The following KTN1 variants were observed in gnomAD, a reference collection of about 807,000 sequenced individuals.
KTN1 encodes the protein kinectin 1.
Under a neutral mutation model 222.5 loss-of-function variants are expected in KTN1, and 130 were observed. The ratio of observed to expected loss-of-function variants is 0.58; its 90% confidence interval spans 0.51 to 0.68. The LOEUF is 0.68. Among genes scored for constraint, KTN1 ranks in the 30% least tolerant of loss-of-function variants. The pLI is 0.00. For synonymous variants in KTN1, 512 were observed against 496.3 expected (o/e 1.03, Z -0.42); for missense variants, 1,508 against 1,500.4 (o/e 1.01, Z -0.08).
At chr14:55,584,549 G>A (rs994605234) in intron 1 of KTN1, among the ~76,000 whole-genome samples, 8 of 152,140 alleles carry the variant, frequency 5.3e-5, no homozygotes, top group African/African-American at 1.7e-4. Flanking sequence ...TCCAGTCTTT[G>A]CTTTTTAAAT....
chr14:55,627,737 C>T (rs995026382), intron 5 of KTN1, among the ~76,000 whole-genome samples, 175 bp from the exon 6 acceptor site: 2 of 152,010 alleles, frequency 1.3e-5, no homozygotes, highest in Non-Finnish European at 2.9e-5. Context: ...TTCTGGTGTT[C>T]GTTTGCTGAG....
chr14:55,635,115 G>A (rs964895391), intron 9 of KTN1, among the ~76,000 whole-genome samples: 5 of 152,102 alleles, frequency 3.3e-5, no homozygotes, highest in African/African-American at 1.2e-4. Flanking sequence ...GTGTATATAG[G>A]TTTGAAAAAT....
Position 55,663,958 on chromosome 14 carries a change from C to T in KTN1, c.3094C>T (p.Leu1032Phe), listed in dbSNP as rs368815405. 6.2e-7 allele frequency: 1 copy of T among 1,608,500 alleles called. No homozygotes were observed. The highest frequency in any genetic ancestry group is 1.3e-5 in the African/African-American group (1 of 74,774). The part of the protein sequence containing the change: ...VEHQRKKNND[L>F]REKNWEAMEA... ...CATTCTTTCTAAAAATGATTAGGACCTTCGGGAGAAAAACTGGGAAGCAAT... is the reference window on the plus strand; with the variant it reads ...CATTCTTTCTAAAAATGATTAGGACTTTCGGGAGAAAAACTGGGAAGCAAT... The change falls in exon 33 of 44, where the codon CTT becomes TTT. Residue 1032 changes from leucine (L) to phenylalanine (F), a missense_variant. By Grantham distance (22) the Leu-to-Phe change is conservative. Transcript: ENST00000395314.
At chr14:55,612,654 G>A (rs902865262) in intron 2 of KTN1, 83 bp downstream of exon 2, 3 of 1,105,632 alleles carry the variant, frequency 2.7e-6, no homozygotes, top group African/African-American at 1.6e-5. Context: ...TACATACACA[G>A]AATGTTTAAT....
At chr14:55,590,430 A>G (rs190539793) in intron 1 of KTN1, among the ~76,000 whole-genome samples, 4 of 152,328 alleles carry the variant, frequency 2.6e-5, no homozygotes, top group African/African-American at 9.6e-5. Flanking sequence ...AGTACGTGTA[A>G]GATATAAAGA....
intron 4 of KTN1, 102 bp downstream of exon 4, chr14:55,618,236 A>G (rs1170422304): frequency 2.4e-6 from 2 of 841,436 alleles, no homozygotes; most frequent in African/African-American, 3.5e-5. Flanking sequence ...ATGCATTTCA[A>G]AAGAATCAAA....
chr14:55,598,340 C>T (rs1430005269), intron 1 of KTN1, among the ~76,000 whole-genome samples: 1 of 150,198 alleles, frequency 6.7e-6, no homozygotes, highest in African/African-American at 2.5e-5. Context: ...GAGGCAGAGG[C>T]AGGAGAATGG....
At chr14:55,593,491 C>T (rs1323642208) in intron 1 of KTN1, among the ~76,000 whole-genome samples, 1 of 137,076 alleles carries the variant, frequency 7.3e-6, no homozygotes, top group Non-Finnish European at 1.5e-5. Context: ...AGGGTACTAT[C>T]AACAAAATTC....
intron 34 of KTN1, chr14:55,668,008 A>G (rs1227291385): frequency 6.6e-6 from 1 of 151,886 alleles, no homozygotes; most frequent in East Asian, 1.9e-4. Context: ...TTATCAGTAC[A>G]TGGCACGCAT....
At chr14:55,618,275 CT>C (rs1198933280) in intron 4 of KTN1, 141 bp downstream of exon 4, 2 of 598,056 alleles carry the variant, frequency 3.3e-6, no homozygotes, top group Admixed American at 3.8e-5. Context: ...TATTGGTAGT[CT>C]TTTAGTCCAG....
intron 18 of KTN1, chr14:55,644,199 G>C (rs2141029284): frequency 2.3e-6 from 1 of 433,146 alleles, no homozygotes; most frequent in Non-Finnish European, 4.1e-6. Flanking sequence ...TGAAAGAAGA[G>C]AAAAGATTGG....
chr14:55,585,947 T>C (rs997071646), intron 1 of KTN1, among the ~76,000 whole-genome samples: 8 of 152,224 alleles, frequency 5.3e-5, no homozygotes, highest in African/African-American at 1.9e-4. Flanking sequence ...ACAATTAGTT[T>C]TCAGAACTTA....
chr14:55,589,659 T>TTTC lies in KTN1; in HGVS notation c.-31+9307_-31+9308insCTT. Among the ~76,000 whole-genome samples, 3 of 138,766 alleles carry TTTC rather than the reference T, an allele frequency of 2.2e-5. 1 individual carries two copies. The East Asian group carries it at 6.2e-4, about 29-fold the overall frequency. 91.0% of individuals were successfully genotyped at this position (138,766 alleles called of 152,430 possible). On this transcript the variant is annotated intron_variant, in intron 1 of 43. Coordinates refer to ENST00000395314, the MANE Select transcript of KTN1 (RefSeq NM_001079521.2). ...GGTTACTATATTCATCTGATTTCTT[T>TTTC]TTTTTTTTTTTTTTTTTGAGATGGA...
intron 1 of KTN1, among the ~76,000 whole-genome samples, chr14:55,594,457 G>A (rs937516172): frequency 1.3e-4 from 18 of 142,078 alleles, no homozygotes; most frequent in Admixed American, 1.1e-3. Flanking sequence ...GTGTTTCTTC[G>A]TTCTGTTTTG....
chr14:55,588,351 C>CT (rs1486420640), intron 1 of KTN1, among the ~76,000 whole-genome samples: 2 of 152,090 alleles, frequency 1.3e-5, no homozygotes, highest in Non-Finnish European at 2.9e-5. Context: ...AGACCTCAGT[C>CT]TAAGTACATA....
At chr14:55,643,674 A>G (rs1226050059) in intron 18 of KTN1, among the ~76,000 whole-genome samples, 1 of 152,190 alleles carries the variant, frequency 6.6e-6, no homozygotes, top group Non-Finnish European at 1.5e-5. Context: ...GTTCTTTGCT[A>G]AAAATGGTAT....
intron 21 of KTN1, among the ~76,000 whole-genome samples, chr14:55,649,420 A>T (rs2042716514): frequency 6.6e-6 from 1 of 152,228 alleles, no homozygotes; most frequent in Admixed American, 6.5e-5. Flanking sequence ...TACTAGAGTG[A>T]TAAAAAGGTT....
At chr14:55,661,716 A>G (rs895378567) in intron 32 of KTN1, 104 bp downstream of exon 32, 1 of 581,082 alleles carries the variant, frequency 1.7e-6, no homozygotes, top group Admixed American at 3.3e-5. Context: ...AGATTTCTTA[A>G]TCTTTGTAAG....
intron 1 of KTN1, among the ~76,000 whole-genome samples, chr14:55,604,176 C>G (rs558414077): frequency 6.6e-6 from 1 of 152,088 alleles, no homozygotes; most frequent in African/African-American, 2.4e-5. Flanking sequence ...TCTCTTTGAC[C>G]TCATCAGTTT....
Sources: gnomAD v4.1 joint callset for allele counts (sites outside exome capture counted in the v4.1 genomes callset) on GRCh38, gnomAD v4.1.1 for gene constraint, MANE v1.5 for transcripts, NCBI Gene and HGNC (gene_info 2026-07-23, HGNC 2026-07-21) for gene names.